The following TMPRSS4 variants were observed in gnomAD, a reference collection of about 807,000 sequenced individuals.
TMPRSS4 encodes the protein transmembrane serine protease 4.
A neutral mutation model predicts 56.4 loss-of-function variants in TMPRSS4; 45 were observed. That is an observed-to-expected ratio of 0.80 (90% confidence interval 0.63 to 1.02). The LOEUF (loss-of-function observed/expected upper bound fraction) is 1.02, where lower values mean the gene tolerates loss of function less well. Among genes scored for constraint, TMPRSS4 ranks in the 50% least tolerant of loss-of-function variants. The pLI, the probability that TMPRSS4 is intolerant of heterozygous loss-of-function variation, is 0.00. For missense variants in TMPRSS4, 546 were observed against 556.7 expected, an observed-to-expected ratio of 0.98 and a Z score of 0.19; for synonymous variants, 205 against 211.0, an observed-to-expected ratio of 0.97 and a Z score of 0.25.
At chr11:118,099,200 T>G in intron 3 of TMPRSS4, 102 bp downstream of exon 3, 4 of 704,132 alleles carry the variant, frequency 5.7e-6, no homozygotes, top group East Asian at 3.3e-5. Context: ...CCCCCACCCC[T>G]GCCCTCACCC....
chr11:118,108,869 G>A lies in TMPRSS4; in HGVS notation c.556G>A (p.Gly186Ser), dbSNP rs1405586982. Reference sequence around the variant, plus strand: ...TCTGTCTTCCAGGCCCTGTCTCTCAGGCTCCCTGGTCTCCCTGCACTGTCT... The same window carrying A: ...TCTGTCTTCCAGGCCCTGTCTCTCAAGCTCCCTGGTCTCCCTGCACTGTCT... The part of the protein sequence containing the change: ...MRNSSGPCLS[G>S]SLVSLHCLAC... Residue 186 changes from glycine to serine, a missense_variant, in exon 7 of 13, where the codon GGC becomes AGC. Gly to Ser is a moderately conservative substitution (Grantham distance 56). Transcript: ENST00000437212. 1 of 1,613,880 alleles carries A rather than the reference G, an allele frequency of 6.2e-7. No homozygotes were observed. Among genetic ancestry groups the A allele is most frequent in the Non-Finnish European group, 8.5e-7 (1 of 1,179,940 alleles).
intron 1 of TMPRSS4, among the ~76,000 whole-genome samples, chr11:118,093,009 A>G (rs769949088): frequency 2.6e-5 from 4 of 152,194 alleles, no homozygotes; most frequent in Non-Finnish European, 5.9e-5. Context: ...ATCTTTCCTG[A>G]AAGCACACAG....
intron 5 of TMPRSS4, chr11:118,105,904 A>G (rs1463452927): frequency 5.3e-5 from 8 of 152,256 alleles, no homozygotes; most frequent in Non-Finnish European, 1.2e-4. Flanking sequence ...TTACAAATCA[A>G]TCAGAATTAT....
intron 1 of TMPRSS4, 49 bp from the exon 2 acceptor site, chr11:118,094,767 C>T (rs1352254792): frequency 6.4e-6 from 10 of 1,569,878 alleles, no homozygotes; most frequent in Non-Finnish European, 8.7e-6. Context: ...GCTGCTAGCC[C>T]CAGCCTGAGA....
At chr11:118,097,469 G>A (rs908202314) in intron 2 of TMPRSS4, among the ~76,000 whole-genome samples, 2 of 152,128 alleles carry the variant, frequency 1.3e-5, no homozygotes, top group Non-Finnish European at 2.9e-5. Flanking sequence ...GAGCCGGTCC[G>A]TTGCTTTCCA....
In TMPRSS4 at chr11:118,082,716, A is replaced by G. The variant is rs563991899; in HGVS notation, c.3+5411A>G. ...GTTTCATACCCAATGCTGCTCAGGG[A>G]AAAAAAAACCCAAATTACCAGGAGA... On this transcript the variant is annotated intron_variant, in intron 1 of 12. Transcript: ENST00000437212. Among the ~76,000 whole-genome samples, 10 of 149,718 alleles carry G rather than the reference A, an allele frequency of 6.7e-5. No homozygotes were observed. The East Asian group carries it at 9.7e-4, about 14-fold the overall frequency.
chr11:118,080,122 G>C (rs951231827), intron 1 of TMPRSS4, among the ~76,000 whole-genome samples: 12 of 152,206 alleles, frequency 7.9e-5, no homozygotes, highest in East Asian at 5.8e-4. Flanking sequence ...CACCCTGCAG[G>C]TGCTCAACAC....
chr11:118,095,119 C>G (rs1264531526), intron 2 of TMPRSS4: 8 of 510,606 alleles, frequency 1.6e-5, no homozygotes, highest in African/African-American at 1.2e-4. Context: ...CATTCAGTCA[C>G]TCTTATCCTT....
chr11:118,094,174 G>A (rs541753386), intron 1 of TMPRSS4, among the ~76,000 whole-genome samples: 2 of 152,270 alleles, frequency 1.3e-5, no homozygotes, highest in South Asian at 4.1e-4. Flanking sequence ...CTGGGTCAGA[G>A]AATCATAAAA....
intron 1 of TMPRSS4, among the ~76,000 whole-genome samples, 186 bp downstream of exon 1, chr11:118,077,491 C>G (rs894601076): frequency 1.3e-5 from 2 of 152,226 alleles, no homozygotes; most frequent in Non-Finnish European, 1.5e-5. Flanking sequence ...CTGCCTTCCT[C>G]TCTTCCTCCA....
At chr11:118,103,046 C>T in intron 3 of TMPRSS4, 55 bp from the exon 4 acceptor site, 1 of 1,597,012 alleles carries the variant, frequency 6.3e-7, no homozygotes, top group South Asian at 1.1e-5. Context: ...CCAGCGTCTC[C>T]CTGCTCAAGC....
chr11:118,096,104 T>A (rs1490431693), intron 2 of TMPRSS4, among the ~76,000 whole-genome samples: 1 of 152,170 alleles, frequency 6.6e-6, no homozygotes, highest in Non-Finnish European at 1.5e-5. Context: ...AATAAATAAA[T>A]CATGCATGAA....
At chr11:118,077,376 C>G in intron 1 of TMPRSS4, 71 bp downstream of exon 1, 1 of 1,493,544 alleles carries the variant, frequency 6.7e-7, no homozygotes, top group Non-Finnish European at 9.0e-7. Flanking sequence ...CTTCAAGCAG[C>G]CTGAGCATCC....
chr11:118,086,049 T>C (rs1390002141), intron 1 of TMPRSS4, among the ~76,000 whole-genome samples: 1 of 152,248 alleles, frequency 6.6e-6, no homozygotes, highest in Non-Finnish European at 1.5e-5. Flanking sequence ...GAACCAGGTC[T>C]GTCTTCAGTT....
chr11:118,119,998 C>G lies in TMPRSS4; in HGVS notation c.*2085C>G, dbSNP rs1947738989. 6.6e-6 allele frequency: 1 copy of G among 152,238 alleles called. No individual in the cohort carries two copies. The highest frequency in any genetic ancestry group is 2.1e-4 in the South Asian group (1 of 4,834). The allele number at this position is 152,238 out of a possible 1,614,324, so 9.4% of individuals were successfully genotyped here. On this transcript the variant is annotated 3_prime_UTR_variant, in exon 13 of 13. Transcript: ENST00000437212. ...GAAACTCAGTACCCATCAAACAACT[C>G]TCCATTTCCCCCTCCTCCCAATCTC... is the stretch of plus-strand genomic sequence containing the variant.
intron 2 of TMPRSS4, among the ~76,000 whole-genome samples, chr11:118,098,650 G>A (rs1946543651): frequency 6.6e-6 from 1 of 152,172 alleles, no homozygotes; most frequent in African/African-American, 2.4e-5. Flanking sequence ...GTGCCCCAGG[G>A]GCTCAGGCCT....
intron 1 of TMPRSS4, among the ~76,000 whole-genome samples, chr11:118,087,181 C>T (rs1176621465): frequency 6.6e-6 from 1 of 152,192 alleles, no homozygotes; most frequent in Non-Finnish European, 1.5e-5. Context: ...AAGCTGTCAC[C>T]CTCTTTTGTG....
In TMPRSS4 at chr11:118,117,454, G is replaced by A; in HGVS notation, c.1302G>A (p.Lys434=). 3 of 1,611,930 alleles carry A rather than the reference G, an allele frequency of 1.9e-6. No individual in the cohort carries two copies. The highest frequency in any genetic ancestry group is 2.5e-6 in the Non-Finnish European group (3 of 1,178,560). ...AYLNWIYNVW[K]AEL is the part of the protein sequence containing the mutation. Reference sequence around the variant, plus strand: ...TCAACTGGATCTACAATGTCTGGAAGGTAAGGTACCTTTGCCCTACCCACT... The same window carrying A: ...TCAACTGGATCTACAATGTCTGGAAAGTAAGGTACCTTTGCCCTACCCACT... Residue 434 remains lysine, a splice_region_variant and synonymous_variant, in exon 12 of 13, where the codon AAG becomes AAA. Transcript: ENST00000437212.
At chr11:118,094,264 G>T (rs1946160767) in intron 1 of TMPRSS4, among the ~76,000 whole-genome samples, 2 of 152,118 alleles carry the variant, frequency 1.3e-5, no homozygotes, top group African/African-American at 4.8e-5. Flanking sequence ...CCACCAACAA[G>T]GTCTGAGAGG....
Sources: allele counts gnomAD v4.1 joint callset (sites outside exome capture counted in the v4.1 genomes callset), GRCh38; gene constraint gnomAD v4.1.1; transcripts MANE v1.5; gene names NCBI Gene and HGNC (gene_info 2026-07-23, HGNC 2026-07-21).